Variants in CCDC158 observed in about 807,000 individuals in gnomAD.
CCDC158 encodes coiled-coil domain containing 158.
Under a neutral mutation model 138.6 loss-of-function variants are expected in CCDC158, and 116 were observed. The observed-to-expected ratio is 0.84, with a 90% CI of 0.72 to 0.98. CCDC158 has a LOEUF of 0.98. CCDC158 is among the 50% of genes least tolerant of loss of function. CCDC158 has a pLI of 0.00. For synonymous variants in CCDC158, 436 were observed against 442.4 expected, an observed-to-expected ratio of 0.99 and a Z score of 0.18; for missense variants, 1,265 against 1,306.1, an observed-to-expected ratio of 0.97 and a Z score of 0.48.
intron 9 of CCDC158, among the ~76,000 whole-genome samples, chr4:76,374,449 G>A (rs1031508527): frequency 6.6e-6 from 1 of 152,194 alleles, no homozygotes; most frequent in Non-Finnish European, 1.5e-5. Flanking sequence ...ATGATCAGGC[G>A]AAGAGCCAAA....
intron 18 of CCDC158, 102 bp from the exon 19 acceptor site, chr4:76,334,269 A>G (rs1721268889): frequency 1.7e-6 from 2 of 1,177,194 alleles, no homozygotes; most frequent in South Asian, 3.3e-5. Context: ...ATGGAAAAGC[A>G]AGAAGAGGAA....
chr4:76,350,192 T>C lies in CCDC158; in HGVS notation c.2664+804A>G, dbSNP rs181483630. Among the ~76,000 whole-genome samples the C allele has an allele frequency of 3.9e-4, 60 of 152,354 alleles. No homozygotes were observed. In the East Asian group the frequency reaches 9.2e-3, roughly 23 times the overall value. On this transcript the variant is annotated intron_variant, in intron 18 of 24. Coordinates refer to ENST00000682701, the MANE Select transcript of CCDC158 (RefSeq NM_001394954.1). ...CATGCTTAACTTCTAACACTAATATTATTATTCTATTGTTTGATAGACTAC... is the reference window on the plus strand; with the variant it reads ...CATGCTTAACTTCTAACACTAATATCATTATTCTATTGTTTGATAGACTAC...
chr4:76,335,041 A>AGGCTATC (rs1721351329), intron 18 of CCDC158, among the ~76,000 whole-genome samples: 1 of 152,246 alleles, frequency 6.6e-6, no homozygotes. Flanking sequence ...GTTCCAACTC[A>AGGCTATC]CTGAATGTGT....
chr4:76,382,750 G>T, intron 7 of CCDC158, 30 bp from the exon 8 acceptor site: 1 of 1,322,168 alleles, frequency 7.6e-7, no homozygotes, highest in Non-Finnish European at 1.1e-6. Context: ...ATTGTCATTT[G>T]ATACAGAAGA....
At chr4:76,387,694 G>C (rs190459108) in intron 4 of CCDC158, among the ~76,000 whole-genome samples, 1 of 151,762 alleles carries the variant, frequency 6.6e-6, no homozygotes, top group Non-Finnish European at 1.5e-5. Context: ...GTGGTGGTGC[G>C]CGCCTGTAAT....
chr4:76,398,388 C>T (rs989227895), intron 3 of CCDC158, among the ~76,000 whole-genome samples: 6 of 151,996 alleles, frequency 3.9e-5, no homozygotes, highest in South Asian at 2.1e-4. Flanking sequence ...ATCACTTGGC[C>T]GGGCGTGGTG....
At chr4:76,391,769 T>G (rs926422316) in intron 4 of CCDC158, among the ~76,000 whole-genome samples, 1 of 151,784 alleles carries the variant, frequency 6.6e-6, no homozygotes, top group Non-Finnish European at 1.5e-5. Context: ...GACAAACCTT[T>G]AGCAAGACTA....
intron 18 of CCDC158, among the ~76,000 whole-genome samples, chr4:76,343,459 T>C (rs956473002): frequency 2.0e-5 from 3 of 152,170 alleles, no homozygotes; most frequent in African/African-American, 7.2e-5. Flanking sequence ...CCAAGAAACA[T>C]TAATAATTCA....
rs574980515 is a variant in CCDC158 at position 76,421,081 on chromosome 4, C to T, written c.-233G>A. Among the ~76,000 whole-genome samples, 1 of 152,014 alleles carries T rather than the reference C, an allele frequency of 6.6e-6. No individual in the cohort carries two copies. The highest frequency in any genetic ancestry group is 1.5e-5 in the Non-Finnish European group (1 of 67,960). ...GGACGGGGCGGCTCCCCACTCTTCG[C>T]CCCTAGGCCCCGCGGAGGCTGCGGG... On this transcript the variant is annotated 5_prime_UTR_variant, in exon 1 of 25. Transcript: ENST00000682701.
intron 2 of CCDC158, among the ~76,000 whole-genome samples, chr4:76,409,668 A>G (rs982920252): frequency 4.6e-5 from 7 of 151,962 alleles, no homozygotes; most frequent in African/African-American, 1.7e-4. Flanking sequence ...CGTCTCTACT[A>G]AAAATACAAA....
rs191924132 is a variant in CCDC158 at position 76,388,577 on chromosome 4, A to G, written c.289-3912T>C. 2.1e-4 allele frequency among the ~76,000 whole-genome samples: 32 copies of G among 152,314 alleles called. No individual in the cohort carries two copies. In the East Asian group the frequency reaches 6.0e-3, roughly 29 times the overall value. ...GTCAGCTTAGCCGCAGTAGAAAAGAACATAAGGTAAACTCCTAAGGTATTT... is the reference window on the plus strand; with the variant it reads ...GTCAGCTTAGCCGCAGTAGAAAAGAGCATAAGGTAAACTCCTAAGGTATTT... On this transcript the variant is annotated intron_variant, in intron 4 of 24. Transcript: ENST00000682701.
At chr4:76,365,141 A>G (rs1354436814) in intron 12 of CCDC158, among the ~76,000 whole-genome samples, 2 of 152,174 alleles carry the variant, frequency 1.3e-5, no homozygotes, top group African/African-American at 4.8e-5. Context: ...ATTTGTTTTT[A>G]AGAAAGGTCT....
intron 18 of CCDC158, among the ~76,000 whole-genome samples, chr4:76,336,999 G>A (rs1361905183): frequency 3.3e-5 from 5 of 151,186 alleles, no homozygotes; most frequent in South Asian, 2.1e-4. Context: ...TTTTTCCTCT[G>A]AGACAGAGTC....
intron 1 of CCDC158, among the ~76,000 whole-genome samples, chr4:76,418,438 G>A (rs1370942935): frequency 6.6e-6 from 1 of 152,172 alleles, no homozygotes; most frequent in East Asian, 1.9e-4. Flanking sequence ...ACCTTATAAA[G>A]CAGTTTGAAA....
chr4:76,401,180 G>C (rs1728350154), intron 3 of CCDC158: 1 of 316,818 alleles, frequency 3.2e-6, no homozygotes, highest in Non-Finnish European at 6.2e-6. Context: ...TAGGAATAAA[G>C]GAGTGAGATG....
At chr4:76,376,890 C>A (rs2870230) in intron 9 of CCDC158, among the ~76,000 whole-genome samples, 4,478 of 152,254 alleles carry the variant, frequency 0.029, 221 homozygotes, top group African/African-American at 0.1. Flanking sequence ...TCCGTTAGCT[C>A]TTTACTATTT....
chr4:76,360,442 C>T (rs1356226933), intron 13 of CCDC158, among the ~76,000 whole-genome samples: 2 of 152,182 alleles, frequency 1.3e-5, no homozygotes, highest in East Asian at 1.9e-4. Flanking sequence ...CACTATGTGC[C>T]TGGAAAAGTC....
intron 12 of CCDC158, among the ~76,000 whole-genome samples, chr4:76,365,417 A>C (rs1724557024): frequency 6.6e-6 from 1 of 152,154 alleles, no homozygotes; most frequent in African/African-American, 2.4e-5. Context: ...CCAGCTCCAT[A>C]TTTAGGAACT....
intron 3 of CCDC158, 85 bp from the exon 4 acceptor site, chr4:76,396,571 G>A (rs977639660): frequency 1.0e-6 from 1 of 964,210 alleles, no homozygotes; most frequent in African/African-American, 1.7e-5. Context: ...GAGTGCAATG[G>A]CGCGATCTTG....
Sources: allele counts gnomAD v4.1 joint callset (sites outside exome capture counted in the v4.1 genomes callset), GRCh38; gene constraint gnomAD v4.1.1; transcripts MANE v1.5; gene names NCBI Gene and HGNC (gene_info 2026-07-23, HGNC 2026-07-21).